Variants in DNAI7 observed in about 807,000 individuals in gnomAD.
DNAI7 encodes dynein axonemal intermediate chain 7, also known as cancer susceptibility 1.
In DNAI7, 78 loss-of-function variants were observed where a neutral mutation model predicts 86.6. The observed-to-expected ratio is 0.90, with a 90% confidence interval of 0.75 to 1.09. The LOEUF is 1.09. Ranked by LOEUF, DNAI7 falls within the 50% of genes least tolerant of loss-of-function variation. The pLI, the probability that DNAI7 is intolerant of heterozygous loss-of-function variation, is 0.00. For synonymous variants in DNAI7, 274 were observed against 273.0 expected, an observed-to-expected ratio of 1.00 and a Z score of -0.04; for missense variants, 753 against 810.2, an observed-to-expected ratio of 0.93 and a Z score of 0.86.
Position 25,108,841 on chromosome 12 carries a change from T to TAAAAAAAAAAAAAAAAAAAAAAA in DNAI7, c.1894-19_1894-18insTTTTTTTTTTTTTTTTTTTTTTT, listed in dbSNP as rs1949501051. 1 of 310,448 alleles carries TAAAAAAAAAAAAAAAAAAAAAAA rather than the reference T, an allele frequency of 3.2e-6. No homozygotes were observed. 19.2% of individuals were successfully genotyped at this position (310,448 alleles called of 1,614,324 possible). On this transcript the variant is annotated intron_variant, in intron 15 of 15. Coordinates refer to ENST00000395987, the MANE Select transcript of DNAI7 (RefSeq NM_018272.5). ...TCCCTCACCTAAAAAAAAAAAAAAT[T>TAAAAAAAAAAAAAAAAAAAAAAA]CAAGCAAGTTGTTAATAATTCCTCT...
intron 9 of DNAI7, among the ~76,000 whole-genome samples, chr12:25,127,563 G>C (rs1565664921): frequency 1.3e-5 from 2 of 152,140 alleles, no homozygotes; most frequent in Non-Finnish European, 2.9e-5. Flanking sequence ...ATTTCTAAAA[G>C]ATGTTTGCTT....
intron 9 of DNAI7, among the ~76,000 whole-genome samples, chr12:25,133,201 C>A (rs925931064): frequency 7.2e-6 from 1 of 138,790 alleles, no homozygotes; most frequent in Non-Finnish European, 1.6e-5. Flanking sequence ...ATCGAAATTT[C>A]TTTTAAATCT....
Position 25,137,950 on chromosome 12 carries a change from C to A in DNAI7, c.1002+6415G>T, listed in dbSNP as rs143059953. On this transcript the variant is annotated intron_variant, in intron 9 of 15. Transcript: ENST00000395987. Reference sequence around the variant, plus strand: ...ATGGCAACACAATAATAGTGTGGGACTCCAATACTTCAACACTGACAGCAC... The same window carrying A: ...ATGGCAACACAATAATAGTGTGGGAATCCAATACTTCAACACTGACAGCAC... Among the ~76,000 whole-genome samples the A allele has an allele frequency of 9.9e-5, 15 of 151,866 alleles. No individual in the cohort carries two copies. The East Asian group carries it at 2.7e-3, about 27-fold the overall frequency.
Position 25,144,454 on chromosome 12 carries a change from C to T in DNAI7, c.913G>A (p.Glu305Lys). Reference protein sequence around the residue: ...EKAISKEVEEESKQQERGSHL... With the variant: ...EKAISKEVEEKSKQQERGSHL... The stretch of plus-strand genomic sequence containing the variant: ...GACCCTCTTTCTTGTTGTTTGGACT[C>T]TTCTTCGACCTCCTTGCTGATTGCT... Residue 305 changes from glutamate (E) to lysine (K), a missense_variant, in exon 9 of 16, where the codon GAG becomes AAG. Coordinates refer to ENST00000395987, the MANE Select transcript of DNAI7 (RefSeq NM_018272.5). The T allele has an allele frequency of 1.2e-6, 2 of 1,614,100 alleles. No homozygotes were observed. Among genetic ancestry groups the T allele is most frequent in the Non-Finnish European group, 1.7e-6 (2 of 1,179,984 alleles).
rs1169330093 is a variant in DNAI7 at position 25,111,786 on chromosome 12, T to C, written c.1765A>G (p.Ile589Val). 8 of 1,583,488 alleles carry C rather than the reference T, an allele frequency of 5.1e-6. No homozygotes were observed. Among genetic ancestry groups the C allele is most frequent in the Non-Finnish European group, 6.0e-6 (7 of 1,168,676 alleles). Residue 589 changes from isoleucine (I) to valine (V), a missense_variant, in exon 14 of 16, where the codon ATT (isoleucine) becomes GTT (valine). Transcript: ENST00000395987. ...TTCATTCTTGCCTTATTGTTTATAATAACATAAAAATGAGAGTGTCTAGTA... is the reference window on the plus strand; with the variant it reads ...TTCATTCTTGCCTTATTGTTTATAACAACATAAAAATGAGAGTGTCTAGTA... ...FPTRHSHFYV[I>V]INNKVPLVEV...
In DNAI7 at chr12:25,130,174, G is replaced by A. The variant is rs140118619; in HGVS notation, c.1003-6888C>T. Among the ~76,000 whole-genome samples, 365 of 152,280 alleles carry A rather than the reference G, an allele frequency of 2.4e-3. 2 individuals carry two copies. Among genetic ancestry groups the A allele is most frequent in the African/African-American group, 8.4e-3 (348 of 41,548 alleles). On this transcript the variant is annotated intron_variant, in intron 9 of 15. Transcript: ENST00000395987. Reference sequence around the variant, plus strand: ...TTGTTAGCTCATTAAAAACAAGAGCGTGTTGAATCCCTTATCAATAGCAGG... The same window carrying A: ...TTGTTAGCTCATTAAAAACAAGAGCATGTTGAATCCCTTATCAATAGCAGG...
At chr12:25,115,301 T>A (rs1209528377) in intron 12 of DNAI7, among the ~76,000 whole-genome samples, 1 of 152,264 alleles carries the variant, frequency 6.6e-6, no homozygotes, top group Non-Finnish European at 1.5e-5. Flanking sequence ...ATTTTTTGTA[T>A]ACAATTCAAT....
At chr12:25,132,111 A>T (rs2140628375) in intron 9 of DNAI7, among the ~76,000 whole-genome samples, 1 of 152,266 alleles carries the variant, frequency 6.6e-6, no homozygotes, top group Middle Eastern at 3.4e-3. Context: ...ACAGAGGCTT[A>T]TCATGAACGT....
chr12:25,124,608 T>G (rs1039820519), intron 9 of DNAI7, among the ~76,000 whole-genome samples: 1 of 152,154 alleles, frequency 6.6e-6, no homozygotes, highest in Non-Finnish European at 1.5e-5. Context: ...GTAGTAAGTT[T>G]GAACTAAATT....
intron 2 of DNAI7, among the ~76,000 whole-genome samples, chr12:25,175,682 A>G (rs1285848123): frequency 6.6e-6 from 1 of 152,132 alleles, no homozygotes; most frequent in Admixed American, 6.6e-5. Flanking sequence ...AAAACTTTTT[A>G]TCATGAGTTT....
At chr12:25,152,192 G>A (rs1945633225) in intron 6 of DNAI7, among the ~76,000 whole-genome samples, 1 of 152,190 alleles carries the variant, frequency 6.6e-6, no homozygotes, top group Non-Finnish European at 1.5e-5. Flanking sequence ...TTTATAATAA[G>A]CCCTTTTCAA....
chr12:25,108,080 A>G, downstream of DNAI7: 1 of 1,601,966 alleles, frequency 6.2e-7, no homozygotes, highest in Non-Finnish European at 8.5e-7. Flanking sequence ...ATCCTAATAT[A>G]TGGATCTTGA....
chr12:25,142,755 G>C (rs113557697), intron 9 of DNAI7, among the ~76,000 whole-genome samples: 2,895 of 152,162 alleles, frequency 0.019, 49 homozygotes, highest in Non-Finnish European at 0.025. Context: ...TTAGGTTAAT[G>C]GGGTTTAATT....
intron 9 of DNAI7, among the ~76,000 whole-genome samples, chr12:25,143,605 T>A (rs150230020): frequency 3.5e-3 from 532 of 152,372 alleles, no homozygotes; most frequent in Non-Finnish European, 4.6e-3. Flanking sequence ...TAATTCCTAT[T>A]CTGATTTTAA....
intron 2 of DNAI7, among the ~76,000 whole-genome samples, chr12:25,171,073 AAAAC>A (rs2141145129): frequency 6.6e-6 from 1 of 152,250 alleles, no homozygotes; most frequent in African/African-American, 2.4e-5. Context: ...AGTAACTAGA[AAAAC>A]AAGAGCAAAC....
At chr12:25,134,715 T>C (rs1943340012) in intron 9 of DNAI7, among the ~76,000 whole-genome samples, 1 of 152,148 alleles carries the variant, frequency 6.6e-6, no homozygotes, top group African/African-American at 2.4e-5. Context: ...TTATTCATCA[T>C]TATAACCTAA....
intron 3 of DNAI7, 35 bp from the exon 4 acceptor site, chr12:25,158,598 T>TA: frequency 6.4e-7 from 1 of 1,573,584 alleles, no homozygotes; most frequent in South Asian, 1.1e-5. Context: ...TCTCAGTGAA[T>TA]AGATCACTGT....
chr12:25,170,549 T>C (rs1423660098), intron 2 of DNAI7, among the ~76,000 whole-genome samples: 4 of 152,162 alleles, frequency 2.6e-5, no homozygotes, highest in Admixed American at 2.6e-4. Context: ...CAATACTCCA[T>C]TGACAGCACT....
intron 9 of DNAI7, among the ~76,000 whole-genome samples, chr12:25,124,520 A>G (rs1351429083): frequency 6.6e-6 from 1 of 152,204 alleles, no homozygotes; most frequent in Non-Finnish European, 1.5e-5. Context: ...AGGAGCCACA[A>G]TAGGAGTACA....
Sources: gnomAD v4.1 joint callset for allele counts (sites outside exome capture counted in the v4.1 genomes callset) on GRCh38, gnomAD v4.1.1 for gene constraint, MANE v1.5 for transcripts, NCBI Gene and HGNC (gene_info 2026-07-23, HGNC 2026-07-21) for gene names.